The following DOP1A variants were observed in gnomAD, a reference collection of about 807,000 sequenced individuals.
DOP1A encodes DOP1 leucine zipper like protein A, also known as protein DOP1A.
Under a neutral mutation model 267.6 loss-of-function variants are expected in DOP1A, and 90 were observed. The observed-to-expected ratio is 0.34, with a 90% CI of 0.28 to 0.40. DOP1A has a LOEUF of 0.40. Among genes scored for constraint, DOP1A ranks in the 10% least tolerant of loss-of-function variants. DOP1A has a pLI of 1.00. For missense variants in DOP1A, 2,437 were observed against 2,900.4 expected, an observed-to-expected ratio of 0.84 and a Z score of 3.67; for synonymous variants, 932 against 999.1, an observed-to-expected ratio of 0.93 and a Z score of 1.27.
chr6:83,170,765 A>G (rs1786919863), downstream of DOP1A: 1 of 253,386 alleles, frequency 3.9e-6, no homozygotes, highest in Non-Finnish European at 7.6e-6. Context: ...ACACACAAAA[A>G]CAGGATAAGT....
At position 83,125,573 on chromosome 6, in the gene DOP1A, A is replaced by T; in HGVS notation, c.1559A>T (p.His520Leu). 1 of 1,613,848 alleles carries T rather than the reference A, an allele frequency of 6.2e-7. No individual in the cohort carries two copies. The highest frequency in any genetic ancestry group is 8.5e-7 in the Non-Finnish European group (1 of 1,179,798). ...LLRMISALTS[H>L]LQTLHLSELT... ...AGAATGATTTCTGCCTTGACAAGCC[A>T]TCTCCAGACATTGCACTTATCTGAA... is the stretch of plus-strand genomic sequence containing the variant. The change falls in exon 15 of 39, where the codon CAT becomes CTT. Residue 520 changes from histidine (H) to leucine (L), a missense_variant. Transcript: ENST00000349129.
At chr6:83,145,061 C>A (rs181185325) in intron 24 of DOP1A, among the ~76,000 whole-genome samples, 1 of 135,640 alleles carries the variant, frequency 7.4e-6, no homozygotes, top group Non-Finnish European at 1.5e-5. Flanking sequence ...TGTAATTGAG[C>A]CACTGCACTC....
intron 7 of DOP1A, among the ~76,000 whole-genome samples, chr6:83,118,292 T>G (rs571096750): frequency 2.0e-5 from 3 of 152,264 alleles, no homozygotes; most frequent in African/African-American, 7.2e-5. Flanking sequence ...TTAATCATTT[T>G]TTTAAACGTT....
At chr6:83,105,655 G>A (rs574560351) in intron 4 of DOP1A, among the ~76,000 whole-genome samples, 27 of 152,170 alleles carry the variant, frequency 1.8e-4, no homozygotes, top group African/African-American at 5.1e-4. Flanking sequence ...GAGCCACTGC[G>A]CCCAGTTGAG....
At chr6:83,168,621 A>G, downstream of DOP1A, 1 of 996,742 alleles carries the variant, frequency 1.0e-6, no homozygotes, top group Non-Finnish European at 1.2e-6. Context: ...ACCTTCACCA[A>G]GAGCAGTGAA....
Position 83,121,930 on chromosome 6 carries a change from G to T in DOP1A, c.1100G>T (p.Gly367Val). The T allele has an allele frequency of 1.3e-6, 2 of 1,590,890 alleles. No homozygotes were observed. The highest frequency in any genetic ancestry group is 2.3e-5 in the South Asian group (2 of 87,280). ...TCTTTAATTTGAATATTAATTTTAG[G>T]ACCTGTAATTCTAGAAGATGTCCTG... ...LISLLDKPEL[G>V]PVILEDVLIE... is the part of the protein sequence containing the mutation. The change falls in exon 11 of 39, where the codon GGA becomes GTA. Residue 367 changes from glycine to valine, a missense_variant and splice_region_variant. Physicochemically the swap from Gly to Val is moderately radical, Grantham distance 109. Around this residue, in one of 9 missense-constraint regions of DOP1A, gnomAD observed 498 missense variants for 513.5 expected, o/e 0.97. Coordinates refer to ENST00000349129, the MANE Select transcript of DOP1A (RefSeq NM_015018.4).
At chr6:83,112,843 A>G (rs1292863502) in intron 6 of DOP1A, among the ~76,000 whole-genome samples, 1 of 152,182 alleles carries the variant, frequency 6.6e-6, no homozygotes, top group Non-Finnish European at 1.5e-5. Flanking sequence ...TACAGATGTA[A>G]TGTAAGTATT....
intron 20 of DOP1A, among the ~76,000 whole-genome samples, chr6:83,136,290 C>T (rs1778851361): frequency 6.6e-6 from 1 of 152,120 alleles, no homozygotes; most frequent in South Asian, 2.1e-4. Context: ...TAATGCTCAA[C>T]TTTCAAGGTT....
At chr6:83,146,314 G>A (rs796621712) in intron 25 of DOP1A, among the ~76,000 whole-genome samples, 5 of 152,260 alleles carry the variant, frequency 3.3e-5, no homozygotes, top group African/African-American at 1.2e-4. Flanking sequence ...TTTGAGCCAA[G>A]CCAAAATAGA....
chr6:83,122,075 G>A (rs201680484), intron 11 of DOP1A, 25 bp downstream of exon 11: 717 of 1,606,012 alleles, frequency 4.5e-4, no homozygotes, highest in Non-Finnish European at 4.3e-4. Context: ...AATTAAATGT[G>A]ACATGAAGAC....
intron 38 of DOP1A, chr6:83,167,414 G>A: frequency 1.0e-6 from 1 of 981,108 alleles, no homozygotes. Context: ...TTAGATAAAA[G>A]GGAATTAACT....
At chr6:83,158,008 T>G (rs1388452300) in intron 35 of DOP1A, among the ~76,000 whole-genome samples, 2 of 152,098 alleles carry the variant, frequency 1.3e-5, no homozygotes, top group Non-Finnish European at 2.9e-5. Context: ...CCTTTTTTTT[T>G]TGTTTTTTGA....
chr6:83,132,385 A>AC lies in DOP1A; in HGVS notation c.2769+57_2769+58insC, dbSNP rs1491260031. The AC allele has an allele frequency of 3.4e-4, 274 of 812,588 alleles. No individual in the cohort carries two copies. The African/African-American group carries it at 5.8e-3, about 17-fold the overall frequency. 50.3% of individuals were successfully genotyped at this position (812,588 alleles called of 1,614,324 possible). A position where few individuals can be genotyped will look rare whatever the true frequency, so the allele number is the denominator to read the frequency against. On this transcript the variant is annotated intron_variant, in intron 18 of 38. Transcript: ENST00000349129. The stretch of plus-strand genomic sequence containing the variant: ...CTCCGCCACACACACACACACACAC[A>AC]AATACTGAAAAGTAAGAAAACTTTA...
In DOP1A at chr6:83,145,047, A is replaced by G. The variant is rs1780285046; in HGVS notation, c.5542-477A>G. 2.1e-5 allele frequency among the ~76,000 whole-genome samples: 3 copies of G among 141,350 alleles called. No individual in the cohort carries two copies. The Admixed American group carries it at 2.3e-4, about 11-fold the overall frequency. 92.7% of individuals were successfully genotyped at this position (141,350 alleles called of 152,430 possible). On this transcript the variant is annotated intron_variant, in intron 24 of 38. Transcript: ENST00000349129. ...AAACCTATGAGGTTGAGGCTGCAGT[A>G]AACTGTAATTGAGCCACTGCACTCC...
At chr6:83,068,683 C>A (rs548135669) in intron 1 of DOP1A, among the ~76,000 whole-genome samples, 1 of 152,310 alleles carries the variant, frequency 6.6e-6, no homozygotes, top group African/African-American at 2.4e-5. Context: ...GACATAAGTT[C>A]TCACATTTTA....
intron 17 of DOP1A, among the ~76,000 whole-genome samples, chr6:83,130,651 A>G (rs1777872112): frequency 6.6e-6 from 1 of 152,194 alleles, no homozygotes; most frequent in Non-Finnish European, 1.5e-5. Context: ...AAAGAGAAGT[A>G]TTAGGGCACT....
At chr6:83,105,976 G>A (rs562836369) in intron 4 of DOP1A, among the ~76,000 whole-genome samples, 1 of 152,200 alleles carries the variant, frequency 6.6e-6, no homozygotes, top group South Asian at 2.1e-4. Context: ...AGATATTCTT[G>A]TACACATACA....
At chr6:83,141,655 T>C (rs1302308185) in intron 23 of DOP1A, among the ~76,000 whole-genome samples, 3 of 152,242 alleles carry the variant, frequency 2.0e-5, no homozygotes, top group Non-Finnish European at 2.9e-5. Context: ...TTGAATTTTA[T>C]ATGTGTTGTG....
chr6:83,156,006 G>A lies in DOP1A; in HGVS notation c.6507G>A (p.Val2169=). 2 of 1,614,042 alleles carry A rather than the reference G, an allele frequency of 1.2e-6. No individual in the cohort carries two copies. The highest frequency in any genetic ancestry group is 1.7e-6 in the Non-Finnish European group (2 of 1,179,944). Residue 2169 remains valine, a synonymous_variant, in exon 34 of 39, where the codon GTG becomes GTA. Coordinates refer to ENST00000349129, the MANE Select transcript of DOP1A (RefSeq NM_015018.4). ...SSLNLFANRD[V]ELEQRAMLLK... ...TTAATCTCTTTGCAAACCGTGATGT[G>A]GAGCTAGAACAGAGAGCTATGCTTC...
Sources: gnomAD v4.1 joint callset for allele counts (sites outside exome capture counted in the v4.1 genomes callset) on GRCh38, gnomAD v4.1.1 for gene constraint, gnomAD v4.1.1 regional missense constraint, MANE v1.5 for transcripts, NCBI Gene and HGNC (gene_info 2026-07-23, HGNC 2026-07-21) for gene names.